Variants in MYO16 observed in about 807,000 individuals in gnomAD.
The protein encoded by MYO16 is myosin XVI, also known as unconventional myosin-XVI.
Under a neutral mutation model 205.3 loss-of-function variants are expected in MYO16, and 94 were observed. The ratio of observed to expected loss-of-function variants is 0.46; its 90% confidence interval spans 0.39 to 0.54. MYO16 has a LOEUF of 0.54. MYO16 is among the 20% of genes least tolerant of loss of function. MYO16 has a pLI of 0.00. For missense variants in MYO16, 2,315 were observed against 2,387.5 expected (o/e 0.97, Z 0.63); for synonymous variants, 988 against 954.0 (o/e 1.04, Z -0.66).
Position 108,669,331 on chromosome 13 carries a change from T to C in MYO16, c.292+3182T>C, listed in dbSNP as rs145095878. Among the ~76,000 whole-genome samples, 314 of 152,106 alleles carry C rather than the reference T, an allele frequency of 2.1e-3. 2 individuals are homozygous for C. Among genetic ancestry groups the C allele is most frequent in the African/African-American group, 7.3e-3 (304 of 41,506 alleles). The stretch of plus-strand genomic sequence containing the variant: ...ATTGCATTTAGGAGTATGGAGGTGA[T>C]TAGTTTTCTTGACTTGTTGGGAGCA... On this transcript the variant is annotated intron_variant, in intron 2 of 34. Coordinates refer to ENST00000457511, the MANE Select transcript of MYO16 (RefSeq NM_001198950.3).
At chr13:108,869,068 C>G (rs962860621) in intron 12 of MYO16, among the ~76,000 whole-genome samples, 1 of 152,136 alleles carries the variant, frequency 6.6e-6, no homozygotes, top group African/African-American at 2.4e-5. Context: ...AGTCATCCAC[C>G]TTTGGTCTTC....
At chr13:108,580,168 A>C in the MYO16 span, among the ~76,000 whole-genome samples, 1 of 152,234 alleles carries the variant, frequency 6.6e-6, no homozygotes, top group Admixed American at 6.5e-5. Flanking sequence ...TGAAACACTT[A>C]AACAGGAACA....
intron 2 of MYO16, among the ~76,000 whole-genome samples, chr13:108,682,972 G>T (rs1449317131): frequency 6.6e-6 from 1 of 152,104 alleles, no homozygotes; most frequent in Non-Finnish European, 1.5e-5. Context: ...TTCTAAGATG[G>T]AGCCACTAAT....
At chr13:108,625,644 T>C (rs1468267329), upstream of MYO16, among the ~76,000 whole-genome samples, 1 of 152,152 alleles carries the variant, frequency 6.6e-6, no homozygotes, top group Non-Finnish European at 1.5e-5. Context: ...ATGTGTGTAA[T>C]TTACTTCATC....
At chr13:108,661,129 G>A (rs1177381366) in intron 1 of MYO16, among the ~76,000 whole-genome samples, 3 of 152,166 alleles carry the variant, frequency 2.0e-5, no homozygotes, top group South Asian at 2.1e-4. Flanking sequence ...CTTGTAGCTT[G>A]TAGGGTTTCT....
At chr13:108,759,583 A>G (rs1885529431) in intron 4 of MYO16, among the ~76,000 whole-genome samples, 1 of 152,190 alleles carries the variant, frequency 6.6e-6, no homozygotes, top group African/African-American at 2.4e-5. Context: ...GCACTTTGGG[A>G]GGCCGAGGTG....
intron 16 of MYO16, among the ~76,000 whole-genome samples, chr13:108,937,650 A>G (rs1882550131): frequency 6.6e-6 from 1 of 152,100 alleles, no homozygotes; most frequent in South Asian, 2.1e-4. Context: ...GCTTCAATCT[A>G]TTGATAAAGC....
At chr13:108,895,621 T>G (rs1193349284) in intron 14 of MYO16, among the ~76,000 whole-genome samples, 1 of 152,200 alleles carries the variant, frequency 6.6e-6, no homozygotes, top group East Asian at 1.9e-4. Context: ...TGGTTAAGTG[T>G]GTGATTCTGA....
chr13:109,006,654 T>C (rs1885396999), intron 21 of MYO16, among the ~76,000 whole-genome samples: 1 of 152,242 alleles, frequency 6.6e-6, no homozygotes, highest in South Asian at 2.1e-4. Flanking sequence ...TCTAATTTTC[T>C]TTCAAATGTT....
intron 15 of MYO16, among the ~76,000 whole-genome samples, chr13:108,898,915 T>C (rs1880572831): frequency 6.6e-6 from 1 of 152,176 alleles, no homozygotes; most frequent in Admixed American, 6.5e-5. Flanking sequence ...TAAAAAACTT[T>C]TACAACAGCT....
chr13:109,019,595 T>G lies in MYO16; in HGVS notation c.2596-116T>G, dbSNP rs1885949963. 7.8e-6 allele frequency: 6 copies of G among 766,206 alleles called. 1 individual carries two copies. In the South Asian group the frequency reaches 1.1e-4, roughly 14 times the overall value. The allele number at this position is 766,206 out of a possible 1,614,324, so 47.5% of individuals were successfully genotyped here. On this transcript the variant is annotated intron_variant, in intron 22 of 34. Transcript: ENST00000457511. ...ATATATTAAGGTAAAGACTGATTCA[T>G]TTTCTGAGTGTCTATATGAATCTAA...
chr13:108,810,640 A>G (rs196179), intron 7 of MYO16, among the ~76,000 whole-genome samples: 4,243 of 146,524 alleles, frequency 0.029, 184 homozygotes, highest in African/African-American at 0.094. Context: ...TTGAATATCA[A>G]TTTATATGCA....
chr13:108,820,417 G>T lies in MYO16; in HGVS notation c.943+5G>T. 1 of 1,600,696 alleles carries T rather than the reference G, an allele frequency of 6.2e-7. No individual in the cohort carries two copies. The highest frequency in any genetic ancestry group is 8.5e-7 in the Non-Finnish European group (1 of 1,172,728). On this transcript the variant is annotated splice_donor_5th_base_variant and intron_variant, in intron 8 of 34. Coordinates refer to ENST00000457511, the MANE Select transcript of MYO16 (RefSeq NM_001198950.3). Reference sequence around the variant, plus strand: ...GTAATGAGGAGAAGGCGTCAGGTAGGTTAGGAGCATCCTTGGACCATTGAG... The same window carrying T: ...GTAATGAGGAGAAGGCGTCAGGTAGTTTAGGAGCATCCTTGGACCATTGAG...
At chr13:108,768,564 CT>C (rs1258513973) in intron 4 of MYO16, among the ~76,000 whole-genome samples, 2 of 152,142 alleles carry the variant, frequency 1.3e-5, no homozygotes, top group African/African-American at 4.8e-5. Context: ...TCTTAAACTA[CT>C]TTTGTAAGTT....
chr13:108,687,509 T>C (rs1335925961), intron 2 of MYO16, among the ~76,000 whole-genome samples: 1 of 132,956 alleles, frequency 7.5e-6, no homozygotes, highest in Non-Finnish European at 1.7e-5. Flanking sequence ...TCAAAATTCC[T>C]GTAGCTTCCT....
intron 33 of MYO16, among the ~76,000 whole-genome samples, chr13:109,168,968 A>G (rs1157355228): frequency 6.6e-6 from 1 of 152,104 alleles, no homozygotes; most frequent in Non-Finnish European, 1.5e-5. Context: ...TCAACTGAAT[A>G]GTATATATTG....
the MYO16 span, among the ~76,000 whole-genome samples, chr13:108,509,341 A>G: frequency 8.5e-5 from 13 of 152,228 alleles, no homozygotes; most frequent in Non-Finnish European, 1.5e-4. Context: ...GGTTGTTAAT[A>G]GAAACATTAC....
At chr13:109,021,607 G>A (rs1886024201) in intron 23 of MYO16, among the ~76,000 whole-genome samples, 1 of 152,138 alleles carries the variant, frequency 6.6e-6, no homozygotes, top group South Asian at 2.1e-4. Flanking sequence ...CTCCTTTTCA[G>A]CCTTGGCGGT....
In MYO16 at chr13:109,052,444, G is replaced by C. The variant is rs1487484679; in HGVS notation, c.3017G>C (p.Gly1006Ala). Reference protein sequence around the residue: ...SKKMTASSIIGENKNYLELSK... With the variant: ...SKKMTASSIIAENKNYLELSK... ...AAAATGACAGCTTCTTCAATTATTG[G>C]AGAAAACAAGAATTATCTAGAACTT... Residue 1006 changes from glycine to alanine, a missense_variant, in exon 25 of 35, where the codon GGA becomes GCA. Coordinates refer to ENST00000457511, the MANE Select transcript of MYO16 (RefSeq NM_001198950.3). The C allele has an allele frequency of 1.2e-6, 2 of 1,610,372 alleles. No individual in the cohort carries two copies. Among genetic ancestry groups the C allele is most frequent in the South Asian group, 2.2e-5 (2 of 90,554 alleles).
Sources: gnomAD v4.1 joint callset for allele counts (sites outside exome capture counted in the v4.1 genomes callset) on GRCh38, gnomAD v4.1.1 for gene constraint, MANE v1.5 for transcripts, NCBI Gene and HGNC (gene_info 2026-07-23, HGNC 2026-07-21) for gene names.